Variants in IFI16 observed in about 807,000 individuals in gnomAD.
IFI16 encodes the protein gamma-interferon-inducible protein 16.
A neutral mutation model predicts 68.4 loss-of-function variants in IFI16; 49 were observed. That is an observed-to-expected ratio of 0.72 (90% CI 0.57 to 0.91). The LOEUF is 0.91. Among genes scored for constraint, IFI16 ranks in the 40% least tolerant of loss-of-function variants. IFI16 has a pLI of 0.00. For missense variants in IFI16, 878 were observed against 942.9 expected, an observed-to-expected ratio of 0.93 and a Z score of 0.90; for synonymous variants, 307 against 315.0, an observed-to-expected ratio of 0.97 and a Z score of 0.27.
intron 8 of IFI16, among the ~76,000 whole-genome samples, chr1:159,048,327 T>G (rs1181388521): frequency 2.0e-5 from 3 of 151,518 alleles, no homozygotes; most frequent in Non-Finnish European, 4.4e-5. Context: ...AAAAATGCTA[T>G]GGCTAGTCCC....
intron 7 of IFI16, among the ~76,000 whole-genome samples, chr1:159,034,611 C>A (rs1654208020): frequency 6.6e-6 from 1 of 152,122 alleles, no homozygotes; most frequent in Admixed American, 6.5e-5. Context: ...TCACTTTCTC[C>A]AGTCTCTTCT....
chr1:159,022,077 C>A (rs1653367339), intron 6 of IFI16, among the ~76,000 whole-genome samples: 1 of 151,184 alleles, frequency 6.6e-6, no homozygotes, highest in South Asian at 2.1e-4. Flanking sequence ...CATTCTCCTG[C>A]CTCAGCCTCC....
At chr1:159,039,951 G>C (rs1376848058) in intron 7 of IFI16, among the ~76,000 whole-genome samples, 1 of 152,122 alleles carries the variant, frequency 6.6e-6, no homozygotes, top group Non-Finnish European at 1.5e-5. Flanking sequence ...TTGCTGAAGA[G>C]GTACAAATTA....
Position 159,052,052 on chromosome 1 carries a change from C to T in IFI16, c.2039C>T (p.Ser680Leu), listed in dbSNP as rs1557884231. ...ACTCCTAAAATCAATCAGCTTTGCT[C>T]ACAAACTAAAGGAAGTTTTGTGAAT... ...SVTPKINQLCSQTKGSFVNGV... is the reference protein window; with the variant it reads ...SVTPKINQLCLQTKGSFVNGV... The change falls in exon 10 of 12, where the codon TCA (serine) becomes TTA (leucine). Residue 680 changes from serine (S) to leucine (L), a missense_variant. This residue lies in a region of IFI16 where 311 missense variants were observed against 305.1 expected (regional missense o/e 1.02). Transcript: ENST00000295809. The T allele has an allele frequency of 4.3e-6, 7 of 1,613,518 alleles. No individual in the cohort carries two copies. In the Admixed American group the frequency reaches 1.0e-4, roughly 23 times the overall value.
intron 7 of IFI16, among the ~76,000 whole-genome samples, chr1:159,036,568 T>C (rs1654340593): frequency 6.6e-6 from 1 of 152,254 alleles, no homozygotes; most frequent in Admixed American, 6.5e-5. Flanking sequence ...AGTCAGAATA[T>C]AGATGTTGAA....
intron 7 of IFI16, among the ~76,000 whole-genome samples, chr1:159,037,791 C>T (rs72709528): frequency 0.037 from 5,592 of 152,002 alleles, 116 homozygotes; most frequent in Non-Finnish European, 0.046. Context: ...TTCCTATACC[C>T]CCTCAATCAG....
chr1:159,040,301 T>C (rs1654547827), intron 7 of IFI16, among the ~76,000 whole-genome samples: 2 of 152,204 alleles, frequency 1.3e-5, no homozygotes, highest in African/African-American at 4.8e-5. Context: ...AAACTAAATA[T>C]CATATTGCTT....
At chr1:159,042,266 C>G (rs1264968640) in intron 7 of IFI16, among the ~76,000 whole-genome samples, 1 of 152,014 alleles carries the variant, frequency 6.6e-6, no homozygotes, top group African/African-American at 2.4e-5. Context: ...GATTGGAAAC[C>G]CAAAGCATAA....
intron 7 of IFI16, among the ~76,000 whole-genome samples, chr1:159,038,864 C>G (rs1654467002): frequency 6.6e-6 from 1 of 152,172 alleles, no homozygotes; most frequent in Admixed American, 6.5e-5. Context: ...ACAGGACCAA[C>G]AGAATCCCGC....
intron 7 of IFI16, among the ~76,000 whole-genome samples, chr1:159,043,702 A>T (rs1183438822): frequency 6.6e-6 from 1 of 152,152 alleles, no homozygotes; most frequent in Non-Finnish European, 1.5e-5. Context: ...TGAAGTGAAC[A>T]GTACACAAGG....
chr1:159,049,580 G>C lies in IFI16; in HGVS notation c.1646G>C (p.Ser549Thr), dbSNP rs574683364. The change falls in exon 9 of 12, where the codon AGC becomes ACC. Residue 549 changes from serine to threonine, a missense_variant. Transcript: ENST00000295809. ...CCTCAGATGCCTCCATCAACACCAAGCAGCAGTTTCTTAACCACGGTACAA... is the reference window on the plus strand; with the variant it reads ...CCTCAGATGCCTCCATCAACACCAACCAGCAGTTTCTTAACCACGGTACAA... ...HTPQMPPSTP[S>T]SSFLTTLKPR... 20 of 1,601,782 alleles carry C rather than the reference G, an allele frequency of 1.2e-5. No individual in the cohort carries two copies. In the Admixed American group the frequency reaches 3.3e-4, roughly 27 times the overall value.
chr1:159,034,620 C>T (rs1654208479), intron 7 of IFI16, among the ~76,000 whole-genome samples: 2 of 152,164 alleles, frequency 1.3e-5, no homozygotes, highest in South Asian at 4.1e-4. Flanking sequence ...CCAGTCTCTT[C>T]TTGAACCCAA....
intron 7 of IFI16, among the ~76,000 whole-genome samples, chr1:159,039,433 TC>T (rs1654495480): frequency 2.0e-5 from 3 of 152,168 alleles, no homozygotes; most frequent in Non-Finnish European, 4.4e-5. Context: ...AACCTGTGCC[TC>T]CCGGGTTCAG....
chr1:159,028,629 G>A (rs1210365553), intron 6 of IFI16, among the ~76,000 whole-genome samples: 1 of 152,090 alleles, frequency 6.6e-6, no homozygotes, highest in South Asian at 2.1e-4. Flanking sequence ...AAGTCAACCA[G>A]TATTATTGTG....
chr1:159,005,514 G>A (rs141723629), upstream of IFI16, among the ~76,000 whole-genome samples: 14 of 152,300 alleles, frequency 9.2e-5, no homozygotes, highest in African/African-American at 2.9e-4. Context: ...AAAGTAAAGA[G>A]GTCATCCCTA....
chr1:159,014,363 G>C (rs188638958), intron 1 of IFI16, among the ~76,000 whole-genome samples: 1 of 152,248 alleles, frequency 6.6e-6, no homozygotes, highest in African/African-American at 2.4e-5. Context: ...GGAACCAAGG[G>C]CTTTGACACT....
upstream of IFI16, among the ~76,000 whole-genome samples, chr1:159,004,958 A>G (rs1652198885): frequency 6.6e-6 from 1 of 152,210 alleles, no homozygotes; most frequent in African/African-American, 2.4e-5. Context: ...GAAACTATCA[A>G]TGTTTTTACC....
Position 159,021,348 on chromosome 1 carries a change from T to C in IFI16, c.1161+819T>C, listed in dbSNP as rs189403568. Among the ~76,000 whole-genome samples, 3 of 152,304 alleles carry C rather than the reference T, an allele frequency of 2.0e-5. No homozygotes were observed. In the East Asian group the frequency reaches 5.8e-4, roughly 29 times the overall value. On this transcript the variant is annotated intron_variant, in intron 6 of 11. Coordinates refer to ENST00000295809, the MANE Select transcript of IFI16 (RefSeq NM_001376587.1). ...CCCACTTATGAGTGAGAACATACAA[T>C]GTTTGGTTTTCCTCTCCTGAGTTAC...
At chr1:159,023,282 A>T (rs1353443515) in intron 6 of IFI16, among the ~76,000 whole-genome samples, 1 of 152,176 alleles carries the variant, frequency 6.6e-6, no homozygotes, top group Non-Finnish European at 1.5e-5. Context: ...TTGAGTTTTA[A>T]TTATGACACA....
Sources: allele counts gnomAD v4.1 joint callset (sites outside exome capture counted in the v4.1 genomes callset), GRCh38; gene constraint gnomAD v4.1.1; regional missense constraint gnomAD v4.1.1; transcripts MANE v1.5; gene names NCBI Gene and HGNC (gene_info 2026-07-23, HGNC 2026-07-21).